SSBP2: variants seen among roughly 807,000 people sequenced by gnomAD.
SSBP2 encodes single stranded DNA binding protein 2, also known as single-stranded DNA-binding protein 2.
A neutral mutation model predicts 61.8 loss-of-function variants in SSBP2; 17 were observed. The observed-to-expected ratio is 0.28, with a 90% confidence interval of 0.19 to 0.41. The LOEUF (loss-of-function observed/expected upper bound fraction) is 0.41. SSBP2 is among the 10% of genes least tolerant of loss of function. SSBP2 has a pLI of 1.00. For missense variants in SSBP2, 310 were observed against 458.7 expected (o/e 0.68, Z 2.96); for synonymous variants, 139 against 141.3 (o/e 0.98, Z 0.12).
intron 6 of SSBP2, among the ~76,000 whole-genome samples, chr5:81,485,400 C>T (rs1189214240): frequency 6.6e-6 from 1 of 152,008 alleles, no homozygotes; most frequent in Non-Finnish European, 1.5e-5. Context: ...AGAATATACA[C>T]CCTTATGGAT....
At chr5:81,511,203 C>T (rs1333942265) in intron 5 of SSBP2, among the ~76,000 whole-genome samples, 2 of 152,168 alleles carry the variant, frequency 1.3e-5, no homozygotes, top group Non-Finnish European at 2.9e-5. Context: ...AACTATGCAC[C>T]TCCCAAGATT....
At chr5:81,700,726 CTT>C (rs1753923886) in intron 1 of SSBP2, among the ~76,000 whole-genome samples, 1 of 151,744 alleles carries the variant, frequency 6.6e-6, no homozygotes, top group Admixed American at 6.5e-5. Flanking sequence ...TGCTTCTTCA[CTT>C]TGCACTTTTA....
At chr5:81,589,972 C>G (rs1021808233) in intron 4 of SSBP2, among the ~76,000 whole-genome samples, 1 of 152,098 alleles carries the variant, frequency 6.6e-6, no homozygotes, top group African/African-American at 2.4e-5. Flanking sequence ...ACCTCCTCCC[C>G]ATCTCCCAAC....
intron 4 of SSBP2, among the ~76,000 whole-genome samples, chr5:81,589,485 AT>A (rs907424960): frequency 2.0e-5 from 3 of 152,214 alleles, no homozygotes; most frequent in African/African-American, 4.8e-5. Context: ...CAGTGAAAAT[AT>A]TTTTTTAAAA....
At chr5:81,591,207 T>C (rs1180831307) in intron 4 of SSBP2, among the ~76,000 whole-genome samples, 1 of 152,152 alleles carries the variant, frequency 6.6e-6, no homozygotes, top group African/African-American at 2.4e-5. Context: ...ATCTGAAACC[T>C]GTGGTACACT....
chr5:81,533,884 T>C (rs1770601726), intron 4 of SSBP2, among the ~76,000 whole-genome samples: 1 of 152,086 alleles, frequency 6.6e-6, no homozygotes, highest in Admixed American at 6.6e-5. Flanking sequence ...GTGTTTTGTC[T>C]CTGGGGACTG....
intron 12 of SSBP2, among the ~76,000 whole-genome samples, chr5:81,443,601 C>T (rs191358935): frequency 1.1e-4 from 17 of 152,250 alleles, no homozygotes; most frequent in South Asian, 6.2e-4. Context: ...CTTGCTCTAT[C>T]GCCCAGGCTG....
chr5:81,582,635 G>C (rs375234183), intron 4 of SSBP2, among the ~76,000 whole-genome samples: 1 of 151,860 alleles, frequency 6.6e-6, no homozygotes, highest in Non-Finnish European at 1.5e-5. Flanking sequence ...GCTGCATCAC[G>C]CAGGATGGAG....
chr5:81,733,345 T>G (rs1338114512), intron 1 of SSBP2, among the ~76,000 whole-genome samples: 1 of 151,952 alleles, frequency 6.6e-6, no homozygotes, highest in Admixed American at 6.6e-5. Context: ...GATACTTATC[T>G]CTCTAACTTT....
chr5:81,488,057 A>AT (rs1766557552), intron 6 of SSBP2, among the ~76,000 whole-genome samples: 3 of 63,238 alleles, frequency 4.7e-5, no homozygotes, highest in Admixed American at 1.6e-4. Flanking sequence ...ATATATATAT[A>AT]TAAATAAAAT....
chr5:81,567,910 T>C (rs931298030), intron 4 of SSBP2, among the ~76,000 whole-genome samples: 1 of 152,210 alleles, frequency 6.6e-6, no homozygotes, highest in Non-Finnish European at 1.5e-5. Flanking sequence ...GGAATGGTTG[T>C]ATTTGCCCAA....
At chr5:81,490,223 T>C (rs890239612) in intron 5 of SSBP2, among the ~76,000 whole-genome samples, 1 of 152,082 alleles carries the variant, frequency 6.6e-6, no homozygotes, top group Non-Finnish European at 1.5e-5. Flanking sequence ...CTGGAAATTG[T>C]CTGAAAAGTA....
chr5:81,471,059 T>A (rs1765216680), intron 8 of SSBP2, among the ~76,000 whole-genome samples: 1 of 151,922 alleles, frequency 6.6e-6, no homozygotes. Context: ...ACTTTTTATA[T>A]TGTGATTTTA....
intron 4 of SSBP2, among the ~76,000 whole-genome samples, chr5:81,576,476 A>G (rs1482651075): frequency 6.6e-6 from 1 of 152,074 alleles, no homozygotes; most frequent in Non-Finnish European, 1.5e-5. Flanking sequence ...TGGAGAAACC[A>G]AAGCACAGAG....
At chr5:81,580,540 A>G (rs2973347) in intron 4 of SSBP2, among the ~76,000 whole-genome samples, 44,407 of 151,934 alleles carry the variant, frequency 0.29, 8,165 homozygotes, top group East Asian at 0.69. Context: ...CGATGTTTAT[A>G]TTCCCAGGTT....
intron 1 of SSBP2, among the ~76,000 whole-genome samples, chr5:81,683,642 A>G (rs1051147607): frequency 2.0e-5 from 3 of 152,208 alleles, no homozygotes; most frequent in African/African-American, 7.2e-5. Flanking sequence ...CTTCATTAAA[A>G]TTAAAAACTG....
At chr5:81,716,405 T>G (rs1755174513) in intron 1 of SSBP2, among the ~76,000 whole-genome samples, 1 of 152,152 alleles carries the variant, frequency 6.6e-6, no homozygotes, top group Admixed American at 6.5e-5. Flanking sequence ...ATTTAAAAAA[T>G]TTCCTAATTA....
At chr5:81,719,169 T>G (rs1755378403) in intron 1 of SSBP2, among the ~76,000 whole-genome samples, 1 of 152,162 alleles carries the variant, frequency 6.6e-6, no homozygotes, top group African/African-American at 2.4e-5. Flanking sequence ...ACACAAAGTA[T>G]GACAATAAAC....
At chr5:81,615,697 C>T (rs866956153) in intron 3 of SSBP2, 140 bp from the exon 4 acceptor site, 79 of 585,434 alleles carry the variant, frequency 1.3e-4, no homozygotes, top group South Asian at 2.8e-4. Context: ...AAGACTTAAA[C>T]GCAAGCAAGG....
Sources: allele counts gnomAD v4.1 joint callset (sites outside exome capture counted in the v4.1 genomes callset), GRCh38; gene constraint gnomAD v4.1.1; transcripts MANE v1.5; gene names NCBI Gene and HGNC (gene_info 2026-07-23, HGNC 2026-07-21).